Variants in EDARADD observed in about 807,000 individuals in gnomAD.
The protein encoded by EDARADD is ectodysplasin-A receptor-associated adapter protein.
Under a neutral mutation model 25.6 loss-of-function variants are expected in EDARADD, and 20 were observed. That is an observed-to-expected ratio of 0.78 (90% CI 0.55 to 1.14). The LOEUF (loss-of-function observed/expected upper bound fraction) is 1.14. Among genes scored for constraint, EDARADD ranks in the 50% most tolerant of loss-of-function variants. The pLI is 0.00. For synonymous variants in EDARADD, 86 were observed against 94.4 expected (o/e 0.91, Z 0.52); for missense variants, 225 against 270.1 (o/e 0.83, Z 1.17).
intron 4 of EDARADD, among the ~76,000 whole-genome samples, chr1:236,467,776 T>C (rs1245948121): frequency 6.6e-6 from 1 of 151,910 alleles, no homozygotes; most frequent in African/African-American, 2.4e-5. Context: ...TTTTTTTTTT[T>C]CTTTGAGATC....
rs1259033915 is a variant in EDARADD at position 236,386,303 on chromosome 1, T to A, written c.-5-22913T>A. On this transcript the variant is annotated intron_variant, in intron 3 of 7. Coordinates refer to the EDARADD transcript ENST00000439430. The stretch of plus-strand genomic sequence containing the variant: ...AGCCGCCTGCCTTGGCCTCCCAAAG[T>A]GCCGAGATTGCAGCCTCTGCCCGGC... 1.9e-4 allele frequency among the ~76,000 whole-genome samples: 6 copies of A among 32,432 alleles called. 3 individuals are homozygous for A. Among genetic ancestry groups the A allele is most frequent in the Non-Finnish European group, 4.2e-4 (6 of 14,216 alleles). 21.3% of individuals were successfully genotyped at this position (32,432 alleles called of 152,430 possible).
At chr1:236,448,105 G>A (rs977997044) in intron 4 of EDARADD, among the ~76,000 whole-genome samples, 4 of 152,180 alleles carry the variant, frequency 2.6e-5, no homozygotes, top group African/African-American at 7.2e-5. Flanking sequence ...AAAGTGCTGG[G>A]ATTACAGGCA....
Position 236,395,557 on chromosome 1 carries a change from G to A in EDARADD, c.61+1052G>A. On this transcript the variant is annotated intron_variant, in intron 1 of 5. Coordinates refer to ENST00000334232, the MANE Select transcript of EDARADD (RefSeq NM_145861.4). This position sits in a 1 kb window ranked among gnomAD's most constrained non-coding sequence, Gnocchi z 6.9. Reference sequence around the variant, plus strand: ...AACCGCAGGACTTTTCATCCCCGTGGTCCCACGGTCCTCCCGCGCCCCGGA... The same window carrying A: ...AACCGCAGGACTTTTCATCCCCGTGATCCCACGGTCCTCCCGCGCCCCGGA... 1.9e-6 allele frequency: 3 copies of A among 1,541,336 alleles called. No individual in the cohort carries two copies. Among genetic ancestry groups the A allele is most frequent in the African/African-American group, 1.4e-5 (1 of 73,132 alleles).
intron 4 of EDARADD, among the ~76,000 whole-genome samples, chr1:236,459,805 G>A (rs1658990156): frequency 6.6e-6 from 1 of 151,696 alleles, no homozygotes; most frequent in South Asian, 2.1e-4. Flanking sequence ...GTAGAGACGG[G>A]GTTTCACCAT....
chr1:236,448,126 C>T (rs1284056374), intron 4 of EDARADD, among the ~76,000 whole-genome samples: 2 of 152,206 alleles, frequency 1.3e-5, no homozygotes, highest in Admixed American at 6.5e-5. Context: ...TGAGCCACCG[C>T]GCCTGGCCCA....
At chr1:236,462,165 A>C (rs1425069073) in intron 4 of EDARADD, among the ~76,000 whole-genome samples, 1 of 152,166 alleles carries the variant, frequency 6.6e-6, no homozygotes, top group African/African-American at 2.4e-5. Context: ...GGTTAAAGCA[A>C]AGGGGACTTC....
chr1:236,445,010 C>T (rs906845677), intron 4 of EDARADD, among the ~76,000 whole-genome samples: 1 of 151,694 alleles, frequency 6.6e-6, no homozygotes, highest in Admixed American at 6.6e-5. Flanking sequence ...GTTTTAGATG[C>T]CAGGATCTAC....
chr1:236,450,749 A>G (rs564037530), intron 4 of EDARADD, among the ~76,000 whole-genome samples: 1 of 152,066 alleles, frequency 6.6e-6, no homozygotes, highest in South Asian at 2.1e-4. Context: ...GGGTTTCACC[A>G]TGTTGGCCAG....
intron 4 of EDARADD, among the ~76,000 whole-genome samples, chr1:236,437,388 A>G (rs955016468): frequency 2.0e-5 from 3 of 152,156 alleles, no homozygotes; most frequent in African/African-American, 4.8e-5. Context: ...TTGATGTCCC[A>G]CACCCTGGAA....
At chr1:236,408,788 C>T (rs1033619695) in intron 1 of EDARADD, among the ~76,000 whole-genome samples, 1 of 152,028 alleles carries the variant, frequency 6.6e-6, no homozygotes, top group Non-Finnish European at 1.5e-5. Flanking sequence ...GAGTCTCACT[C>T]TGTCTCCCAG....
At chr1:236,427,959 T>C (rs1657970428) in intron 4 of EDARADD, among the ~76,000 whole-genome samples, 1 of 98,966 alleles carries the variant, frequency 1.0e-5, no homozygotes, top group Non-Finnish European at 2.3e-5. Flanking sequence ...TTTTAATTTA[T>C]TTATTTTATT....
At chr1:236,476,829 A>C (rs925209038) in intron 5 of EDARADD, among the ~76,000 whole-genome samples, 1 of 152,042 alleles carries the variant, frequency 6.6e-6, no homozygotes, top group Admixed American at 6.6e-5. Flanking sequence ...CCAGCCTACA[A>C]AAAGTTTTAA....
At chr1:236,408,034 A>G (rs1382184162) in intron 1 of EDARADD, among the ~76,000 whole-genome samples, 1 of 152,178 alleles carries the variant, frequency 6.6e-6, no homozygotes, top group Non-Finnish European at 1.5e-5. Context: ...TTCAGAATGG[A>G]GTCATTCCTG....
intron 2 of EDARADD, among the ~76,000 whole-genome samples, chr1:236,410,552 C>T (rs976652338): frequency 3.9e-5 from 6 of 152,076 alleles, no homozygotes; most frequent in Admixed American, 3.3e-4. Flanking sequence ...GGAAGTGTGC[C>T]GCCACCTAGA....
At position 236,412,316 on chromosome 1, in the gene EDARADD, C is replaced by A. The variant is rs1322588015; in HGVS notation, c.121-1944C>A. ...TTGCCTTGGGACTTTCAGGTGCTCC[C>A]TTCTCCGTAGCCCAATCCCTATTTG... On this transcript the variant is annotated intron_variant, in intron 2 of 5. Transcript: ENST00000334232. Among the ~76,000 whole-genome samples, 4 of 152,156 alleles carry A rather than the reference C, an allele frequency of 2.6e-5. No individual in the cohort carries two copies. In the East Asian group the frequency reaches 7.7e-4, roughly 29 times the overall value.
chr1:236,369,610 G>A (rs1255181597), intron 3 of EDARADD, among the ~76,000 whole-genome samples: 1 of 152,198 alleles, frequency 6.6e-6, no homozygotes, highest in East Asian at 1.9e-4. Flanking sequence ...GGGGGGCCGA[G>A]GCAGGTGGAT....
At chr1:236,379,274 G>A (rs1441056814) in intron 3 of EDARADD, among the ~76,000 whole-genome samples, 1 of 152,076 alleles carries the variant, frequency 6.6e-6, no homozygotes, top group Non-Finnish European at 1.5e-5. Context: ...GGAGACTGAG[G>A]CAGGAGAATC....
chr1:236,453,278 C>CTTT (rs71672500), intron 4 of EDARADD, among the ~76,000 whole-genome samples: 15 of 133,878 alleles, frequency 1.1e-4, no homozygotes, highest in African/African-American at 2.6e-4. Flanking sequence ...TTCTTTTTTT[C>CTTT]TTTTTTTTTT....
chr1:236,366,948 G>A (rs73119299), intron 3 of EDARADD, among the ~76,000 whole-genome samples: 2 of 151,672 alleles, frequency 1.3e-5, no homozygotes, highest in African/African-American at 2.4e-5. Flanking sequence ...ATGGTGGCAC[G>A]CACCAGTAGT....
Sources: allele counts gnomAD v4.1 joint callset (sites outside exome capture counted in the v4.1 genomes callset), GRCh38; gene constraint gnomAD v4.1.1; non-coding constraint Gnocchi (gnomAD v3.1); transcripts MANE v1.5; gene names NCBI Gene and HGNC (gene_info 2026-07-23, HGNC 2026-07-21).